The following RNF217 variants were observed in gnomAD, a reference collection of about 807,000 sequenced individuals.
The protein encoded by RNF217 is E3 ubiquitin-protein ligase RNF217.
A neutral mutation model predicts 57.8 loss-of-function variants in RNF217; 31 were observed. The observed-to-expected ratio is 0.54, with a 90% confidence interval of 0.40 to 0.72. RNF217 has a LOEUF of 0.72. Among genes scored for constraint, RNF217 ranks in the 30% least tolerant of loss-of-function variants. The pLI is 0.00. For synonymous variants in RNF217, 313 were observed against 294.0 expected, an observed-to-expected ratio of 1.06 and a Z score of -0.66; for missense variants, 696 against 708.3, an observed-to-expected ratio of 0.98 and a Z score of 0.20.
intron 1 of RNF217, among the ~76,000 whole-genome samples, chr6:124,989,090 G>A (rs1255574843): frequency 1.7e-5 from 2 of 119,978 alleles, no homozygotes; most frequent in Non-Finnish European, 3.8e-5. Context: ...CATTTGAAAA[G>A]TTACTTTGGT....
chr6:124,983,530 T>G (rs1784253216), intron 1 of RNF217: 1 of 973,744 alleles, frequency 1.0e-6, no homozygotes, highest in South Asian at 4.7e-5. Flanking sequence ...AGGTAGATAC[T>G]AAATACTGAA....
chr6:125,016,789 T>TG (rs965032288), intron 1 of RNF217, among the ~76,000 whole-genome samples: 1 of 105,932 alleles, frequency 9.4e-6, no homozygotes, highest in Non-Finnish European at 1.9e-5. Flanking sequence ...TGTGAGGGGG[T>TG]GGGGGGCAAG....
chr6:125,059,403 C>T (rs1280219845), intron 3 of RNF217, among the ~76,000 whole-genome samples: 1 of 152,140 alleles, frequency 6.6e-6, no homozygotes, highest in African/African-American at 2.4e-5. Flanking sequence ...GCCTTCCCCC[C>T]TTTCTCTTGC....
intron 1 of RNF217, among the ~76,000 whole-genome samples, chr6:124,985,314 G>T (rs1181773946): frequency 6.6e-6 from 1 of 152,100 alleles, no homozygotes; most frequent in Non-Finnish European, 1.5e-5. Flanking sequence ...TTTAATTTTT[G>T]CGGATACATA....
intron 1 of RNF217, among the ~76,000 whole-genome samples, chr6:124,975,546 T>G (rs1300420359): frequency 6.6e-6 from 1 of 152,180 alleles, no homozygotes; most frequent in Non-Finnish European, 1.5e-5. Context: ...TCCTCCCACC[T>G]CAGCCTCTCG....
intron 1 of RNF217, among the ~76,000 whole-genome samples, chr6:125,027,884 T>C (rs1425638573): frequency 6.6e-6 from 1 of 152,184 alleles, no homozygotes; most frequent in African/African-American, 2.4e-5. Flanking sequence ...TAGTTTTGAT[T>C]TGCATTTCTC....
chr6:125,080,639 T>C (rs987909079), intron 4 of RNF217, among the ~76,000 whole-genome samples: 2 of 152,076 alleles, frequency 1.3e-5, no homozygotes, highest in African/African-American at 4.8e-5. Flanking sequence ...TTTACTAACC[T>C]CTTTTTTGTG....
intron 2 of RNF217, among the ~76,000 whole-genome samples, chr6:125,048,855 C>A (rs1050477916): frequency 6.6e-6 from 1 of 152,022 alleles, no homozygotes; most frequent in African/African-American, 2.4e-5. Flanking sequence ...TGGCAAAAAT[C>A]TGAGTAAATA....
In RNF217 at chr6:125,045,426, A is replaced by C; in HGVS notation, c.1098A>C (p.Arg366Ser). 6.2e-7 allele frequency: 1 copy of C among 1,612,268 alleles called. No individual in the cohort carries two copies. Among genetic ancestry groups the C allele is most frequent in the Non-Finnish European group, 8.5e-7 (1 of 1,179,134 alleles). The change falls in exon 2 of 6, where the codon AGA becomes AGC. Residue 366 changes from arginine to serine, a missense_variant. Physicochemically the swap from Arg to Ser is moderately radical, Grantham distance 110. Coordinates refer to ENST00000521654, the MANE Select transcript of RNF217 (RefSeq NM_001286398.3). Reference protein sequence around the residue: ...KKKGHIPTPSRSESKYKIQCP... With the variant: ...KKKGHIPTPSSSESKYKIQCP... ...AAGGACATATTCCCACCCCTTCCAG[A>C]TCAGAAAGCAAATACAAAGTAAGCA...
chr6:125,074,396 C>A (rs1447395997), intron 3 of RNF217, among the ~76,000 whole-genome samples: 1 of 152,008 alleles, frequency 6.6e-6, no homozygotes, highest in Admixed American at 6.6e-5. Flanking sequence ...TTTTAAGTGA[C>A]ATTTTTGTGA....
chr6:124,989,804 G>C (rs1481337477), intron 1 of RNF217, among the ~76,000 whole-genome samples: 7 of 149,688 alleles, frequency 4.7e-5, no homozygotes, highest in Non-Finnish European at 7.4e-5. Flanking sequence ...CTATATTATT[G>C]ATTTTTCTCT....
At chr6:125,030,036 G>A in intron 1 of RNF217, among the ~76,000 whole-genome samples, 1 of 152,094 alleles carries the variant, frequency 6.6e-6, no homozygotes, top group East Asian at 1.9e-4. Flanking sequence ...GGCGGGAGGT[G>A]AAAGGCATTT....
chr6:125,055,046 G>T (rs141667222), intron 2 of RNF217, among the ~76,000 whole-genome samples: 2 of 152,114 alleles, frequency 1.3e-5, no homozygotes, highest in Admixed American at 6.6e-5. Context: ...ATGTGTTTGC[G>T]TAAGGCCAAT....
intron 2 of RNF217, among the ~76,000 whole-genome samples, chr6:125,054,810 G>A (rs1056861929): frequency 2.6e-5 from 4 of 152,122 alleles, no homozygotes; most frequent in Non-Finnish European, 4.4e-5. Context: ...GAGGTCTAAG[G>A]ATTCATGAAT....
At position 125,045,081 on chromosome 6, in the gene RNF217, A is replaced by T. The variant is rs542422208; in HGVS notation, c.883-130A>T. 5 of 628,626 alleles carry T rather than the reference A, an allele frequency of 8.0e-6. No homozygotes were observed. In the East Asian group the frequency reaches 1.4e-4, roughly 17 times the overall value. The allele number at this position is 628,626 out of a possible 1,614,324, so 38.9% of individuals were successfully genotyped here. ...GGTATCAAGGTGATTAACATTCATTATGTTATCTTAAAAATTACACACAAT... is the reference window on the plus strand; with the variant it reads ...GGTATCAAGGTGATTAACATTCATTTTGTTATCTTAAAAATTACACACAAT... On this transcript the variant is annotated intron_variant, in intron 1 of 5. Transcript: ENST00000521654.
At chr6:125,069,582 T>G (rs1788062904) in intron 3 of RNF217, among the ~76,000 whole-genome samples, 1 of 152,212 alleles carries the variant, frequency 6.6e-6, no homozygotes, top group South Asian at 2.1e-4. Flanking sequence ...TGATTCAGTT[T>G]GTTTGCTATT....
At chr6:124,996,717 C>A (rs1332556182) in intron 1 of RNF217, 3 of 152,118 alleles carry the variant, frequency 2.0e-5, no homozygotes, top group Non-Finnish European at 4.4e-5. Flanking sequence ...TAAATGATTA[C>A]AATGAGACTA....
intron 1 of RNF217, among the ~76,000 whole-genome samples, chr6:124,973,301 C>T (rs868667377): frequency 2.0e-5 from 3 of 152,288 alleles, no homozygotes; most frequent in African/African-American, 4.8e-5. Context: ...TGGTTAATTT[C>T]GCTTCACTGA....
Position 125,088,887 on chromosome 6 carries a change from C to A in RNF217, c.*5950C>A, listed in dbSNP as rs1267536273. 6.6e-6 allele frequency: 1 copy of A among 152,552 alleles called. No individual in the cohort carries two copies. The highest frequency in any genetic ancestry group is 6.6e-5 in the Admixed American group (1 of 15,264). 9.4% of individuals were successfully genotyped at this position (152,552 alleles called of 1,614,324 possible). Reference sequence around the variant, plus strand: ...TTCCTTGTGAAATGATACCCACATACTACAACATCAAGCTCCTTTTTCTCT... The same window carrying A: ...TTCCTTGTGAAATGATACCCACATAATACAACATCAAGCTCCTTTTTCTCT... On this transcript the variant is annotated 3_prime_UTR_variant, in exon 6 of 6. Coordinates refer to ENST00000521654, the MANE Select transcript of RNF217 (RefSeq NM_001286398.3).
Sources: allele counts gnomAD v4.1 joint callset (sites outside exome capture counted in the v4.1 genomes callset), GRCh38; gene constraint gnomAD v4.1.1; transcripts MANE v1.5; gene names NCBI Gene and HGNC (gene_info 2026-07-23, HGNC 2026-07-21).